Variants in RBFOX1 observed in about 807,000 individuals in gnomAD.
RBFOX1 encodes the protein RNA binding protein fox-1 homolog 1.
Under a neutral mutation model 57.7 loss-of-function variants are expected in RBFOX1, and 8 were observed. The observed-to-expected ratio is 0.14, with a 90% CI of 0.08 to 0.25. The LOEUF (loss-of-function observed/expected upper bound fraction) is 0.25, where lower values mean the gene tolerates loss of function less well. Among genes scored for constraint, RBFOX1 ranks in the 10% least tolerant of loss-of-function variants. The probability of loss-of-function intolerance (pLI) is 1.00; values close to 1 mark genes in which losing one functional copy is unlikely to be tolerated. For synonymous variants in RBFOX1, 326 were observed against 222.4 expected, an observed-to-expected ratio of 1.47 and a Z score of -4.15; for missense variants, 611 against 548.5, an observed-to-expected ratio of 1.11 and a Z score of -1.14.
At chr16:5,620,087 A>G (rs1236630673) in intron 3 of RBFOX1, among the ~76,000 whole-genome samples, 1 of 151,952 alleles carries the variant, frequency 6.6e-6, no homozygotes, top group Non-Finnish European at 1.5e-5. Flanking sequence ...GGCCTCGCTT[A>G]CTTTCCTAGT....
At chr16:7,528,257 A>G (rs1160426152) in intron 5 of RBFOX1, among the ~76,000 whole-genome samples, 1 of 152,152 alleles carries the variant, frequency 6.6e-6, no homozygotes, top group Non-Finnish European at 1.5e-5. Flanking sequence ...CTTTGTCCTC[A>G]TTTGGTGCTT....
At chr16:7,704,333 A>T (rs2081728638) in intron 14 of RBFOX1, among the ~76,000 whole-genome samples, 1 of 152,180 alleles carries the variant, frequency 6.6e-6, no homozygotes, top group Non-Finnish European at 1.5e-5. Flanking sequence ...AAGGCTTTTG[A>T]TGAGTTTTAT....
At chr16:6,410,566 C>T (rs913874218) in intron 2 of RBFOX1, among the ~76,000 whole-genome samples, 1 of 152,084 alleles carries the variant, frequency 6.6e-6, no homozygotes. Flanking sequence ...CCGCCTCTGC[C>T]TCCCAAAGTG....
chr16:5,474,014 G>C (rs956277601), intron 2 of RBFOX1, among the ~76,000 whole-genome samples: 10 of 152,002 alleles, frequency 6.6e-5, no homozygotes, highest in Non-Finnish European at 1.3e-4. Flanking sequence ...GGATGGATGA[G>C]TAGATGTGTG....
intron 2 of RBFOX1, among the ~76,000 whole-genome samples, chr16:6,525,755 C>G (rs940977384): frequency 6.6e-6 from 1 of 152,052 alleles, no homozygotes; most frequent in African/African-American, 2.4e-5. Context: ...AATGGTCTTA[C>G]TATTGTCTCC....
intron 2 of RBFOX1, among the ~76,000 whole-genome samples, chr16:6,383,946 A>G (rs866929704): frequency 8.6e-5 from 13 of 151,606 alleles, no homozygotes; most frequent in African/African-American, 1.5e-4. Context: ...TTTTAAGGGG[A>G]AAAAAAAGAG....
chr16:6,962,727 A>G (rs1321176000), intron 3 of RBFOX1, among the ~76,000 whole-genome samples: 2 of 152,132 alleles, frequency 1.3e-5, no homozygotes, highest in African/African-American at 4.8e-5. Flanking sequence ...AGTCAGGAGC[A>G]GTAGCATGTG....
intron 1 of RBFOX1, among the ~76,000 whole-genome samples, chr16:5,466,471 T>G (rs2068957045): frequency 6.6e-6 from 1 of 152,142 alleles, no homozygotes; most frequent in South Asian, 2.1e-4. Context: ...TTTCAACTCC[T>G]GGGGCCCTGA....
intron 14 of RBFOX1, among the ~76,000 whole-genome samples, chr16:7,694,858 A>G (rs1190606822): frequency 6.6e-6 from 1 of 152,196 alleles, no homozygotes; most frequent in Non-Finnish European, 1.5e-5. Context: ...CATAGGCCTC[A>G]TGTATAGATG....
At chr16:5,691,064 T>A (rs2050662334) in intron 3 of RBFOX1, among the ~76,000 whole-genome samples, 2 of 152,208 alleles carry the variant, frequency 1.3e-5, no homozygotes, top group Admixed American at 1.3e-4. Flanking sequence ...AATATGAGCT[T>A]ATTCACCCTG....
intron 3 of RBFOX1, among the ~76,000 whole-genome samples, chr16:6,980,817 C>T (rs1000390628): frequency 7.2e-5 from 11 of 152,098 alleles, no homozygotes; most frequent in East Asian, 1.9e-4. Context: ...CCAAGGCAGG[C>T]GGATCACTTC....
At chr16:6,719,637 G>A (rs1046796754) in intron 3 of RBFOX1, among the ~76,000 whole-genome samples, 4 of 151,066 alleles carry the variant, frequency 2.6e-5, no homozygotes, top group Admixed American at 6.6e-5. Context: ...TAGTAGAGAT[G>A]GGGTTTCACC....
intron 2 of RBFOX1, among the ~76,000 whole-genome samples, chr16:6,585,808 G>T (rs558655788): frequency 1.3e-5 from 2 of 152,026 alleles, no homozygotes; most frequent in Non-Finnish European, 2.9e-5. Context: ...TCTCCTCTTT[G>T]ACAATTTGTG....
chr16:6,402,802 T>C (rs1027536750), intron 2 of RBFOX1, among the ~76,000 whole-genome samples: 7 of 152,216 alleles, frequency 4.6e-5, no homozygotes, highest in African/African-American at 1.7e-4. Context: ...ATTTAGACTG[T>C]AGCCAGTTGT....
At chr16:5,773,566 G>T (rs1323205016) in intron 3 of RBFOX1, among the ~76,000 whole-genome samples, 1 of 152,156 alleles carries the variant, frequency 6.6e-6, no homozygotes, top group East Asian at 1.9e-4. Context: ...GATGTTTTCA[G>T]TTTATTTTTC....
intron 2 of RBFOX1, among the ~76,000 whole-genome samples, chr16:6,442,055 C>T (rs1357202667): frequency 2.6e-5 from 4 of 152,122 alleles, no homozygotes; most frequent in Non-Finnish European, 1.5e-5. Flanking sequence ...TTAATTCTTC[C>T]AAGCCCTTAA....
chr16:5,829,567 C>A (rs1014118790), intron 3 of RBFOX1, among the ~76,000 whole-genome samples: 1 of 152,108 alleles, frequency 6.6e-6, no homozygotes, highest in Non-Finnish European at 1.5e-5. Context: ...TGGCCCTCTT[C>A]TACCTCCTCC....
At chr16:7,632,021 T>C (rs1381792241) in intron 11 of RBFOX1, among the ~76,000 whole-genome samples, 1 of 152,158 alleles carries the variant, frequency 6.6e-6, no homozygotes, top group East Asian at 1.9e-4. Flanking sequence ...GCAATTCTCA[T>C]GACTCAGCCT....
At chr16:5,465,832 A>G (rs2068935617) in intron 1 of RBFOX1, among the ~76,000 whole-genome samples, 1 of 152,196 alleles carries the variant, frequency 6.6e-6, no homozygotes, top group Non-Finnish European at 1.5e-5. Context: ...CGTGGACTGC[A>G]AGGGTTGAAT....
Sources: gnomAD v4.1 joint callset for allele counts (sites outside exome capture counted in the v4.1 genomes callset) on GRCh38, gnomAD v4.1.1 for gene constraint, MANE v1.5 for transcripts, NCBI Gene and HGNC (gene_info 2026-07-23, HGNC 2026-07-21) for gene names.